ZFAND3: variants seen among roughly 807,000 people sequenced by gnomAD.
ZFAND3 encodes the protein AN1-type zinc finger protein 3.
In ZFAND3, 10 loss-of-function variants were observed where a neutral mutation model predicts 29.6. That is an observed-to-expected ratio of 0.34 (90% confidence interval 0.21 to 0.57). The LOEUF (loss-of-function observed/expected upper bound fraction) is 0.57. Ranked by LOEUF, ZFAND3 falls within the 20% of genes least tolerant of loss-of-function variation. The probability of loss-of-function intolerance (pLI) is 0.86; values close to 1 mark genes in which losing one functional copy is unlikely to be tolerated. For missense variants in ZFAND3, 230 were observed against 304.5 expected, an observed-to-expected ratio of 0.76 and a Z score of 1.82; for synonymous variants, 128 against 112.6, an observed-to-expected ratio of 1.14 and a Z score of -0.87.
In ZFAND3 at chr6:38,002,101, A is replaced by G. The variant is rs551747641; in HGVS notation, c.113-59492A>G. On this transcript the variant is annotated intron_variant, in intron 2 of 5. Transcript: ENST00000287218. ...ACGGCTGAATTATAGAATACTCAAG[A>G]GATGTTGTTTTCCTTAAGAAGATAT... Among the ~76,000 whole-genome samples, 9 of 152,240 alleles carry G rather than the reference A, an allele frequency of 5.9e-5. 2 individuals carry two copies. The South Asian group carries it at 1.9e-3, about 32-fold the overall frequency.
chr6:37,853,942 T>G (rs1023118921), intron 1 of ZFAND3, among the ~76,000 whole-genome samples: 2 of 151,602 alleles, frequency 1.3e-5, no homozygotes, highest in South Asian at 4.1e-4. Flanking sequence ...GGCTTTTGCC[T>G]TTTTAAAAAA....
rs565935676 is a variant in ZFAND3, at chr6:38,151,095, C to T, written c.530-1140C>T. Among the ~76,000 whole-genome samples, 51 of 152,248 alleles carry T rather than the reference C, an allele frequency of 3.3e-4. No homozygotes were observed. In the Middle Eastern group the frequency reaches 0.01, roughly 30 times the overall value. ...ACCTCAGACGTCTGTGCTCCACATG[C>T]GTATCGGCCGCTCTAGAGATTGCCT... On this transcript the variant is annotated intron_variant, in intron 5 of 5. Transcript: ENST00000287218.
At chr6:38,074,705 G>C (rs953676962) in intron 3 of ZFAND3, among the ~76,000 whole-genome samples, 1 of 152,160 alleles carries the variant, frequency 6.6e-6, no homozygotes, top group Non-Finnish European at 1.5e-5. Flanking sequence ...TCAAAATAGC[G>C]AAAATAACCT....
chr6:37,930,403 TC>T (rs1205659157), intron 2 of ZFAND3, among the ~76,000 whole-genome samples: 3 of 152,128 alleles, frequency 2.0e-5, no homozygotes, highest in Non-Finnish European at 4.4e-5. Context: ...CATCATCAGA[TC>T]CATCATAGAG....
intron 4 of ZFAND3, among the ~76,000 whole-genome samples, chr6:38,112,870 A>G (rs1320529880): frequency 1.3e-5 from 2 of 152,202 alleles, no homozygotes; most frequent in Non-Finnish European, 2.9e-5. Flanking sequence ...GGATGATTCT[A>G]TAGATTACTA....
intron 5 of ZFAND3, among the ~76,000 whole-genome samples, chr6:38,133,831 AT>A (rs1232232328): frequency 6.6e-6 from 1 of 151,966 alleles, no homozygotes; most frequent in Non-Finnish European, 1.5e-5. Flanking sequence ...GCTTAGAAAT[AT>A]GAAGGTAGCA....
At chr6:38,046,262 G>A (rs899019852) in intron 2 of ZFAND3, among the ~76,000 whole-genome samples, 2 of 152,194 alleles carry the variant, frequency 1.3e-5, no homozygotes, top group African/African-American at 4.8e-5. Context: ...AAGAGATAAT[G>A]GGAGTTGTCG....
At chr6:38,141,742 G>GA (rs1405268292) in intron 5 of ZFAND3, among the ~76,000 whole-genome samples, 1 of 152,172 alleles carries the variant, frequency 6.6e-6, no homozygotes, top group Non-Finnish European at 1.5e-5. Flanking sequence ...AAGTGGGGCA[G>GA]AAAAAATGTT....
chr6:37,849,446 T>C (rs1156942049), intron 1 of ZFAND3, among the ~76,000 whole-genome samples: 3 of 152,208 alleles, frequency 2.0e-5, no homozygotes, highest in South Asian at 4.1e-4. Flanking sequence ...TTTGCTTTTA[T>C]TGCCCAGGCT....
At chr6:38,024,431 A>G (rs909473918) in intron 2 of ZFAND3, among the ~76,000 whole-genome samples, 53 of 150,678 alleles carry the variant, frequency 3.5e-4, no homozygotes, top group African/African-American at 1.3e-3. Flanking sequence ...GAGATGTGCC[A>G]CTGCACTCCA....
In ZFAND3 at chr6:38,121,333, C is replaced by T. The variant is rs1051590527; in HGVS notation, c.529+4594C>T. Among the ~76,000 whole-genome samples, 69 of 152,228 alleles carry T rather than the reference C, an allele frequency of 4.5e-4. 4 individuals are homozygous for T. ...TCGAGGCTACAGTGAGTCTTGGTCA[C>T]ACCACTGCACTGCAGCATGGGCAAC... On this transcript the variant is annotated intron_variant, in intron 5 of 5. Coordinates refer to ENST00000287218, the MANE Select transcript of ZFAND3 (RefSeq NM_021943.3).
At chr6:37,989,375 C>T (rs1446285499) in intron 2 of ZFAND3, among the ~76,000 whole-genome samples, 1 of 152,156 alleles carries the variant, frequency 6.6e-6, no homozygotes, top group African/African-American at 2.4e-5. Flanking sequence ...TACATGCTGG[C>T]TATTGTTGGG....
intron 2 of ZFAND3, among the ~76,000 whole-genome samples, chr6:38,001,890 T>C (rs1762954697): frequency 6.6e-6 from 1 of 152,224 alleles, no homozygotes. Context: ...TGGTCTGTTA[T>C]CTTTTCTTTT....
chr6:38,101,069 A>G (rs1394161288), intron 4 of ZFAND3, among the ~76,000 whole-genome samples: 1 of 152,250 alleles, frequency 6.6e-6, no homozygotes. Context: ...GGTGGATCAC[A>G]ATGTGGACAT....
At chr6:38,030,097 T>C (rs980836993) in intron 2 of ZFAND3, among the ~76,000 whole-genome samples, 1 of 79,878 alleles carries the variant, frequency 1.3e-5, no homozygotes, top group East Asian at 3.7e-4. Flanking sequence ...TATATATATA[T>C]ATATAGCCTG....
At chr6:38,135,880 C>T (rs1236005136) in intron 5 of ZFAND3, among the ~76,000 whole-genome samples, 3 of 152,174 alleles carry the variant, frequency 2.0e-5, no homozygotes. Context: ...AGCCTGCAGT[C>T]CAGAAGGCTC....
chr6:37,837,597 C>G (rs1034745129), intron 1 of ZFAND3, among the ~76,000 whole-genome samples: 1 of 151,876 alleles, frequency 6.6e-6, no homozygotes, highest in Admixed American at 6.6e-5. Flanking sequence ...CTCTGCCTCC[C>G]AGGTTGAAGC....
rs563013436 is a variant in ZFAND3, at chr6:38,014,336, T to TATTATTA, written c.113-47257_113-47256insATTATTA. Reference sequence around the variant, plus strand: ...CTTTATTATTATTATTATTATTTTTTTTTTTTTGAGATGGAGTTTCACTCT... The same window carrying TATTATTA: ...CTTTATTATTATTATTATTATTTTTTATTATTATTTTTTTGAGATGGAGTTTCACTCT... On this transcript the variant is annotated intron_variant, in intron 2 of 5. Coordinates refer to ENST00000287218, the MANE Select transcript of ZFAND3 (RefSeq NM_021943.3). Among the ~76,000 whole-genome samples, 286 of 147,250 alleles carry TATTATTA rather than the reference T, an allele frequency of 1.9e-3. 1 individual carries two copies. The highest frequency in any genetic ancestry group is 5.9e-3 in the African/African-American group (239 of 40,190).
At chr6:38,106,119 G>A (rs1216081092) in intron 4 of ZFAND3, among the ~76,000 whole-genome samples, 1 of 152,068 alleles carries the variant, frequency 6.6e-6, no homozygotes, top group East Asian at 1.9e-4. Flanking sequence ...AAGAGAAGAA[G>A]GTAGATGAGT....
Sources: allele counts gnomAD v4.1 joint callset (sites outside exome capture counted in the v4.1 genomes callset), GRCh38; gene constraint gnomAD v4.1.1; transcripts MANE v1.5; gene names NCBI Gene and HGNC (gene_info 2026-07-23, HGNC 2026-07-21).